The following CHST9 variants were observed in gnomAD, a reference collection of about 807,000 sequenced individuals.
CHST9 encodes carbohydrate sulfotransferase 9.
In CHST9, 41 loss-of-function variants were observed where a neutral mutation model predicts 44.4. The observed-to-expected ratio is 0.92, with a 90% CI of 0.72 to 1.20. The LOEUF is 1.20. CHST9 is among the 50% of genes most tolerant of loss of function. The probability of loss-of-function intolerance (pLI) is 0.00; values close to 1 mark genes in which losing one functional copy is unlikely to be tolerated. For synonymous variants in CHST9, 171 were observed against 178.4 expected (o/e 0.96, Z 0.33); for missense variants, 504 against 516.5 (o/e 0.98, Z 0.23).
At chr18:26,985,885 C>T (rs985112273) in intron 4 of CHST9, among the ~76,000 whole-genome samples, 7 of 152,276 alleles carry the variant, frequency 4.6e-5, no homozygotes, top group Non-Finnish European at 8.8e-5. Flanking sequence ...CGAGAAGGTC[C>T]TGCCTCAGTG....
chr18:27,023,218 T>C (rs1176340277), intron 4 of CHST9, among the ~76,000 whole-genome samples: 1 of 152,182 alleles, frequency 6.6e-6, no homozygotes, highest in Admixed American at 6.5e-5. Context: ...AAAGTAAACA[T>C]ACTACTGTCA....
chr18:27,064,872 TG>T, intron 2 of CHST9, among the ~76,000 whole-genome samples: 1 of 152,290 alleles, frequency 6.6e-6, no homozygotes, highest in Non-Finnish European at 1.5e-5. Context: ...CCAGGCCTGC[TG>T]GGCTATTTGT....
At chr18:27,152,200 T>C (rs958496187) in intron 1 of CHST9, among the ~76,000 whole-genome samples, 1 of 152,190 alleles carries the variant, frequency 6.6e-6, no homozygotes, top group Non-Finnish European at 1.5e-5. Flanking sequence ...ATTTAACAGG[T>C]GTCTTCTACT....
At chr18:27,126,140 G>T (rs999800158) in intron 2 of CHST9, among the ~76,000 whole-genome samples, 1 of 152,202 alleles carries the variant, frequency 6.6e-6, no homozygotes, top group Non-Finnish European at 1.5e-5. Context: ...TCAGATGATG[G>T]ATTCTCACAG....
At chr18:27,050,091 TAGCAGAG>T (rs2057547819) in intron 2 of CHST9, among the ~76,000 whole-genome samples, 1 of 152,116 alleles carries the variant, frequency 6.6e-6, no homozygotes, top group African/African-American at 2.4e-5. Context: ...AGAGTAGTTT[TAGCAGAG>T]AGTGGGCAGA....
At chr18:27,061,807 G>A (rs1327608525) in intron 2 of CHST9, among the ~76,000 whole-genome samples, 2 of 152,104 alleles carry the variant, frequency 1.3e-5, no homozygotes, top group Non-Finnish European at 2.9e-5. Flanking sequence ...AGATCACCTG[G>A]TGGCCATCAA....
At position 27,019,718 on chromosome 18, in the gene CHST9, A is replaced by G. The variant is rs542682896; in HGVS notation, c.202+4398T>C. Among the ~76,000 whole-genome samples the G allele has an allele frequency of 3.3e-5, 5 of 150,304 alleles. No individual in the cohort carries two copies. The South Asian group carries it at 1.1e-3, about 32-fold the overall frequency. On this transcript the variant is annotated intron_variant, in intron 4 of 5. Transcript: ENST00000618847. ...AAAAAAAAAAAAAAAAAAAGAGAGA[A>G]AAACATGTTAATGACATGCCACTGT... is the stretch of plus-strand genomic sequence containing the variant.
rs1239668894 is a variant in CHST9, at chr18:26,991,943, G to A, written c.202+32173C>T. 1.6e-5 allele frequency among the ~76,000 whole-genome samples: 2 copies of A among 128,280 alleles called. 1 individual carries two copies. The highest frequency in any genetic ancestry group is 5.3e-5 in the African/African-American group (2 of 38,036). The allele number at this position is 128,280 out of a possible 152,430, so 84.2% of individuals were successfully genotyped here. Reference sequence around the variant, plus strand: ...CATTGCTGCAAGAGGCAGAGCAGTGGGCAGTTGTTGTGAGGGAAAGTAGGG... The same window carrying A: ...CATTGCTGCAAGAGGCAGAGCAGTGAGCAGTTGTTGTGAGGGAAAGTAGGG... On this transcript the variant is annotated intron_variant, in intron 4 of 5. Transcript: ENST00000618847.
At chr18:27,003,820 A>T (rs2145231383) in intron 4 of CHST9, among the ~76,000 whole-genome samples, 1 of 152,200 alleles carries the variant, frequency 6.6e-6, no homozygotes, top group South Asian at 2.1e-4. Flanking sequence ...TTGTATATAC[A>T]CCATGAAATA....
intron 4 of CHST9, among the ~76,000 whole-genome samples, chr18:26,960,199 G>C (rs1568110144): frequency 6.6e-6 from 1 of 152,180 alleles, no homozygotes; most frequent in East Asian, 1.9e-4. Context: ...CTTCTGCAGA[G>C]AGATGATGGG....
At chr18:26,968,511 G>C (rs1475840415) in intron 4 of CHST9, among the ~76,000 whole-genome samples, 1 of 152,034 alleles carries the variant, frequency 6.6e-6, no homozygotes, top group Non-Finnish European at 1.5e-5. Context: ...ATTTATAATA[G>C]TTTTGTTGCA....
At chr18:26,993,920 G>A (rs1435736226) in intron 4 of CHST9, among the ~76,000 whole-genome samples, 1 of 152,202 alleles carries the variant, frequency 6.6e-6, no homozygotes, top group East Asian at 1.9e-4. Context: ...CAAGGTGCCG[G>A]CAGGGCACGT....
At chr18:27,035,652 C>T (rs941175059) in intron 3 of CHST9, among the ~76,000 whole-genome samples, 10 of 151,926 alleles carry the variant, frequency 6.6e-5, no homozygotes, top group South Asian at 6.2e-4. Context: ...TTTGTGATGA[C>T]GTGGATGGAC....
chr18:26,916,905 C>G lies in CHST9; in HGVS notation c.686G>C (p.Arg229Thr). The change falls in exon 6 of 6, where the codon AGA becomes ACA. Residue 229 changes from arginine to threonine, a missense_variant. By Grantham distance (71) the Arg-to-Thr change is moderately conservative (BLOSUM62 -1). Transcript: ENST00000618847. Reference protein sequence around the residue: ...VPKAGCSNWKRILMVLNGLAS... With the variant: ...VPKAGCSNWKTILMVLNGLAS... ...CAATCCATTTAGTACCATCAGAATT[C>G]TTTTCCAATTGGAACAGCCAGCCTT... The G allele has an allele frequency of 6.2e-7, 1 of 1,613,874 alleles. No individual in the cohort carries two copies.
chr18:26,961,788 A>C (rs997470799), intron 4 of CHST9, among the ~76,000 whole-genome samples: 1 of 152,202 alleles, frequency 6.6e-6, no homozygotes, highest in Non-Finnish European at 1.5e-5. Flanking sequence ...TAAAGAGAAC[A>C]ATGTTTCTGT....
intron 4 of CHST9, among the ~76,000 whole-genome samples, chr18:26,954,815 T>C (rs2056299935): frequency 6.6e-6 from 1 of 152,164 alleles, no homozygotes; most frequent in African/African-American, 2.4e-5. Context: ...TTTTGCTTGT[T>C]TCCTATTCTA....
intron 2 of CHST9, among the ~76,000 whole-genome samples, chr18:27,114,494 C>T (rs140581102): frequency 1.3e-4 from 20 of 152,312 alleles, no homozygotes; most frequent in South Asian, 6.2e-4. Flanking sequence ...AATTCATCCA[C>T]TAAAAGTATA....
At chr18:26,979,722 T>G (rs1162959430) in intron 4 of CHST9, among the ~76,000 whole-genome samples, 2 of 152,176 alleles carry the variant, frequency 1.3e-5, no homozygotes. Context: ...ATCAGATCAG[T>G]GCTTGGCATA....
intron 4 of CHST9, among the ~76,000 whole-genome samples, chr18:27,012,404 G>C (rs1459421610): frequency 1.3e-5 from 2 of 152,140 alleles, no homozygotes; most frequent in Non-Finnish European, 2.9e-5. Context: ...ATAAGAAAGA[G>C]AAAATATGTT....
Sources: gnomAD v4.1 joint callset for allele counts (sites outside exome capture counted in the v4.1 genomes callset) on GRCh38, gnomAD v4.1.1 for gene constraint, MANE v1.5 for transcripts, NCBI Gene and HGNC (gene_info 2026-07-23, HGNC 2026-07-21) for gene names.